CKAP5: variants seen among roughly 807,000 people sequenced by gnomAD.
CKAP5 encodes cytoskeleton-associated protein 5.
CKAP5 carries 27 observed loss-of-function variants against 232.8 expected under a neutral mutation model. That is an observed-to-expected ratio of 0.12 (90% CI 0.09 to 0.16). CKAP5 has a LOEUF of 0.16. Ranked by LOEUF, CKAP5 falls within the 10% of genes least tolerant of loss-of-function variation. CKAP5 has a pLI of 1.00. For synonymous variants in CKAP5, 785 were observed against 841.1 expected (o/e 0.93, Z 1.16); for missense variants, 1,838 against 2,424.7 (o/e 0.76, Z 5.08).
chr11:46,829,838 ATGTGTGTGTGTGTGTGTGTGTGTGTGTG>A (rs57602333), intron 1 of CKAP5, among the ~76,000 whole-genome samples: 16 of 143,032 alleles, frequency 1.1e-4, no homozygotes, highest in Non-Finnish European at 2.0e-4. Context: ...CCTTTTTTGT[ATGTGTGTGTGTGTGTGTGTGTGTGTGTG>A]TGTGTGTGTG....
intron 11 of CKAP5, 134 bp from the exon 12 acceptor site, chr11:46,797,074 G>C: frequency 1.0e-6 from 1 of 972,936 alleles, no homozygotes; most frequent in Admixed American, 2.3e-5. Context: ...AGCTTTCCTT[G>C]TGCCAATTGA....
In CKAP5 at chr11:46,743,929, T is replaced by C. The variant is rs1003525443; in HGVS notation, c.*94A>G. On this transcript the variant is annotated 3_prime_UTR_variant, in exon 44 of 44. Coordinates refer to ENST00000529230, the MANE Select transcript of CKAP5 (RefSeq NM_001008938.4). Reference sequence around the variant, plus strand: ...CCACGGCATGATACATACAACCAGTTTGTATACACTAGGCCTGCTGAGGCC... The same window carrying C: ...CCACGGCATGATACATACAACCAGTCTGTATACACTAGGCCTGCTGAGGCC... The C allele has an allele frequency of 1.3e-6, 2 of 1,502,654 alleles. No individual in the cohort carries two copies. The highest frequency in any genetic ancestry group is 3.5e-5 in the Admixed American group (2 of 57,236). 93.1% of individuals were successfully genotyped at this position (1,502,654 alleles called of 1,614,324 possible).
chr11:46,758,496 G>A (rs748063851), intron 35 of CKAP5, among the ~76,000 whole-genome samples: 4 of 152,110 alleles, frequency 2.6e-5, no homozygotes, highest in Non-Finnish European at 4.4e-5. Context: ...GTTAGCTGCT[G>A]TTTTATCTCT....
intron 29 of CKAP5, 133 bp from the exon 30 acceptor site, chr11:46,763,312 TA>T: frequency 3.0e-6 from 3 of 986,852 alleles, no homozygotes; most frequent in Non-Finnish European, 4.4e-6. Context: ...AATTAAGACC[TA>T]AAAAATATAC....
At chr11:46,792,511 C>A (rs1938754310) in intron 13 of CKAP5, among the ~76,000 whole-genome samples, 1 of 151,894 alleles carries the variant, frequency 6.6e-6, no homozygotes. Flanking sequence ...TGAAATCGTG[C>A]CACCGCACTC....
chr11:46,746,730 C>T (rs1275615606), intron 42 of CKAP5, among the ~76,000 whole-genome samples: 2 of 152,226 alleles, frequency 1.3e-5, no homozygotes, highest in African/African-American at 4.8e-5. Context: ...TAGGACACTA[C>T]TGTCAACTTT....
Position 46,743,179 on chromosome 11 carries a change from C to G in CKAP5, c.*844G>C, listed in dbSNP as rs2064997479. 6.6e-6 allele frequency: 1 copy of G among 152,166 alleles called. No individual in the cohort carries two copies. Among genetic ancestry groups the G allele is most frequent in the Non-Finnish European group, 1.5e-5 (1 of 68,022 alleles). 9.4% of individuals were successfully genotyped at this position (152,166 alleles called of 1,614,324 possible). A position where few individuals can be genotyped will look rare whatever the true frequency, so the allele number is the denominator to read the frequency against. On this transcript the variant is annotated 3_prime_UTR_variant, in exon 44 of 44. Transcript: ENST00000529230. ...CACAAATCTAGTTGTAGTGTGAGAA[C>G]CACTGAAGCCCAGCCAATCTCTGGG...
chr11:46,794,083 C>T (rs4506602), intron 13 of CKAP5, among the ~76,000 whole-genome samples: 58,886 of 151,970 alleles, frequency 0.39, 13,646 homozygotes, highest in Non-Finnish European at 0.51. Context: ...AGTTGGACAC[C>T]GTATATAAAA....
At chr11:46,790,013 T>G in intron 15 of CKAP5, 63 bp downstream of exon 15, 1 of 1,063,574 alleles carries the variant, frequency 9.4e-7, no homozygotes, top group Non-Finnish European at 1.4e-6. Context: ...CCTTCATTCA[T>G]CAATTTCGCT....
chr11:46,753,218 G>T, intron 37 of CKAP5, 92 bp downstream of exon 37: 1 of 958,804 alleles, frequency 1.0e-6, no homozygotes, highest in Non-Finnish European at 1.6e-6. Context: ...TTGTTAGGTT[G>T]CCTAGGAAGT....
chr11:46,832,739 A>C (rs944687281), intron 1 of CKAP5, among the ~76,000 whole-genome samples: 23 of 152,214 alleles, frequency 1.5e-4, no homozygotes, highest in African/African-American at 5.3e-4. Context: ...CTTGCCTAAC[A>C]TGACTCATCT....
intron 1 of CKAP5, among the ~76,000 whole-genome samples, chr11:46,835,041 C>T (rs1044309851): frequency 6.6e-6 from 1 of 151,318 alleles, no homozygotes; most frequent in Non-Finnish European, 1.5e-5. Context: ...TTACAGCTTT[C>T]GTTTCGCGAC....
chr11:46,807,958 A>T, intron 8 of CKAP5, 73 bp downstream of exon 8: 1 of 1,037,876 alleles, frequency 9.6e-7, no homozygotes, highest in Non-Finnish European at 1.5e-6. Flanking sequence ...TGTGTAATTA[A>T]AAAGATGACT....
chr11:46,750,502 A>C (rs749924925), intron 41 of CKAP5, 26 bp downstream of exon 41: 29 of 1,606,474 alleles, frequency 1.8e-5, no homozygotes, highest in Middle Eastern at 1.7e-4. Context: ...GCAGACCCCT[A>C]TTCTGCTTAA....
rs549586700 is a variant in CKAP5 at position 46,780,902 on chromosome 11, G to A, written c.2250-417C>T. 1.4e-3 allele frequency among the ~76,000 whole-genome samples: 217 copies of A among 152,266 alleles called. 1 individual carries two copies. Among genetic ancestry groups the A allele is most frequent in the South Asian group, 7.5e-3 (36 of 4,830 alleles). The stretch of plus-strand genomic sequence containing the variant: ...GCCTCCCAAAGTGCTGGGATTACAG[G>A]CATGAGCTACCACACCCAGCCTCCT... On this transcript the variant is annotated intron_variant, in intron 18 of 43. Transcript: ENST00000529230.
intron 1 of CKAP5, among the ~76,000 whole-genome samples, chr11:46,826,450 C>T (rs911649983): frequency 2.0e-5 from 3 of 152,168 alleles, no homozygotes; most frequent in Non-Finnish European, 2.9e-5. Flanking sequence ...GATTCAGCTC[C>T]ACCCATTCAG....
intron 13 of CKAP5, 35 bp from the exon 14 acceptor site, chr11:46,790,618 C>T (rs776264188): frequency 1.4e-6 from 2 of 1,418,208 alleles, no homozygotes; most frequent in Non-Finnish European, 2.0e-6. Context: ...ATTAAACCAC[C>T]TAAGGATTTA....
At chr11:46,804,455 G>A (rs147689146) in intron 8 of CKAP5, among the ~76,000 whole-genome samples, 7 of 152,168 alleles carry the variant, frequency 4.6e-5, no homozygotes, top group Non-Finnish European at 1.0e-4. Context: ...TTCTGTTCTA[G>A]ACCAGGGAAT....
chr11:46,788,314 C>T (rs868172533), intron 16 of CKAP5, among the ~76,000 whole-genome samples: 2 of 152,264 alleles, frequency 1.3e-5, no homozygotes, highest in Non-Finnish European at 1.5e-5. Flanking sequence ...GTGGCTCACG[C>T]CCGTAATCCC....
Sources: gnomAD v4.1 joint callset for allele counts (sites outside exome capture counted in the v4.1 genomes callset) on GRCh38, gnomAD v4.1.1 for gene constraint, MANE v1.5 for transcripts, NCBI Gene and HGNC (gene_info 2026-07-23, HGNC 2026-07-21) for gene names.